The following MYO1E variants were observed in gnomAD, a reference collection of about 807,000 sequenced individuals.
The protein encoded by MYO1E is myosin IE, also known as unconventional myosin-Ie.
A neutral mutation model predicts 151.1 loss-of-function variants in MYO1E; 68 were observed. The observed-to-expected ratio is 0.45, with a 90% CI of 0.37 to 0.55. MYO1E has a LOEUF of 0.55. MYO1E is among the 20% of genes least tolerant of loss of function. The pLI, the probability that MYO1E is intolerant of heterozygous loss-of-function variation, is 0.00. For missense variants in MYO1E, 1,363 were observed against 1,389.3 expected (o/e 0.98, Z 0.30); for synonymous variants, 601 against 501.7 (o/e 1.20, Z -2.64).
intron 4 of MYO1E, among the ~76,000 whole-genome samples, chr15:59,238,424 A>G (rs190184320): frequency 1.7e-3 from 260 of 152,374 alleles, no homozygotes; most frequent in Non-Finnish European, 2.7e-3. Context: ...AGTATGTAGC[A>G]ACATAAAGAT....
intron 24 of MYO1E, 122 bp from the exon 25 acceptor site, chr15:59,158,501 G>T (rs2079520777): frequency 2.6e-6 from 2 of 761,374 alleles, no homozygotes; most frequent in Non-Finnish European, 4.6e-6. Context: ...GGATCTGCAG[G>T]AGAACAGTTG....
In MYO1E at chr15:59,292,896, C is replaced by A. The variant is rs771204675; in HGVS notation, c.4-20447G>T. Among the ~76,000 whole-genome samples the A allele has an allele frequency of 8.3e-4, 126 of 152,262 alleles. 1 individual carries two copies. The highest frequency in any genetic ancestry group is 1.5e-3 in the Non-Finnish European group (104 of 68,028). On this transcript the variant is annotated intron_variant, in intron 1 of 27. Coordinates refer to ENST00000288235, the MANE Select transcript of MYO1E (RefSeq NM_004998.4). Reference sequence around the variant, plus strand: ...GAGAGGTGACCTTGTTGTATAAAGTCTCAGGGGGATCTATCCCATAGGATT... The same window carrying A: ...GAGAGGTGACCTTGTTGTATAAAGTATCAGGGGGATCTATCCCATAGGATT...
chr15:59,148,699 T>C (rs1202181295), intron 26 of MYO1E, among the ~76,000 whole-genome samples: 2 of 152,146 alleles, frequency 1.3e-5, no homozygotes, highest in African/African-American at 4.8e-5. Flanking sequence ...TATGACTCCA[T>C]TGGGAGGATC....
At chr15:59,276,478 T>A (rs573082645) in intron 1 of MYO1E, among the ~76,000 whole-genome samples, 19 of 152,250 alleles carry the variant, frequency 1.2e-4, no homozygotes, top group African/African-American at 4.6e-4. Flanking sequence ...TAATGAAAAG[T>A]TACTCTTATC....
At chr15:59,216,160 C>T (rs2079912980) in intron 10 of MYO1E, among the ~76,000 whole-genome samples, 2 of 152,088 alleles carry the variant, frequency 1.3e-5, no homozygotes, top group Admixed American at 1.3e-4. Flanking sequence ...TGAATGGCCC[C>T]CACTGTTGTC....
At chr15:59,214,531 T>G in intron 11 of MYO1E, 109 bp downstream of exon 11, 1 of 1,143,326 alleles carries the variant, frequency 8.7e-7, no homozygotes. Flanking sequence ...TTTTTGTTGT[T>G]GTGGTTTGTT....
chr15:59,167,010 C>T (rs1271204722), intron 22 of MYO1E, among the ~76,000 whole-genome samples: 1 of 152,178 alleles, frequency 6.6e-6, no homozygotes, highest in African/African-American at 2.4e-5. Flanking sequence ...GGGCTCAGCA[C>T]CAGGTAGGTG....
chr15:59,353,654 G>A (rs2080837480), intron 1 of MYO1E, among the ~76,000 whole-genome samples: 1 of 151,646 alleles, frequency 6.6e-6, no homozygotes, highest in Non-Finnish European at 1.5e-5. Flanking sequence ...CTACTCGGAA[G>A]GCTGAGGCAG....
At chr15:59,329,193 G>A (rs1376890835) in intron 1 of MYO1E, among the ~76,000 whole-genome samples, 1 of 152,194 alleles carries the variant, frequency 6.6e-6, no homozygotes, top group Admixed American at 6.5e-5. Flanking sequence ...GAGGCACTGG[G>A]AAGACAGCTC....
In MYO1E at chr15:59,272,712, G is replaced by C. The variant is rs112238173; in HGVS notation, c.4-263C>G. Among the ~76,000 whole-genome samples the C allele has an allele frequency of 3.2e-3, 486 of 152,196 alleles. 2 individuals carry two copies. The highest frequency in any genetic ancestry group is 0.011 in the African/African-American group (461 of 41,510). On this transcript the variant is annotated intron_variant, in intron 1 of 27. Coordinates refer to ENST00000288235, the MANE Select transcript of MYO1E (RefSeq NM_004998.4). The stretch of plus-strand genomic sequence containing the variant: ...CTTCTCTTTTCTCATTTGTAAAATG[G>C]GAGACAGACCCATTTCACAACGCTG...
chr15:59,237,528 T>G (rs1278061686), intron 4 of MYO1E, among the ~76,000 whole-genome samples: 1 of 152,250 alleles, frequency 6.6e-6, no homozygotes, highest in East Asian at 1.9e-4. Context: ...ATCTTTCTAT[T>G]GGTACCCTTT....
chr15:59,346,836 G>C (rs1353794454), intron 1 of MYO1E, among the ~76,000 whole-genome samples: 1 of 151,906 alleles, frequency 6.6e-6, no homozygotes, highest in East Asian at 1.9e-4. Flanking sequence ...AGGATTGATT[G>C]ATCCCAGGAG....
chr15:59,298,341 C>G (rs1397907540), intron 1 of MYO1E, among the ~76,000 whole-genome samples: 7 of 152,202 alleles, frequency 4.6e-5, no homozygotes, highest in Admixed American at 1.3e-4. Flanking sequence ...TTCCTCACAG[C>G]CCGCTGAGTT....
rs1360262205 is a variant in MYO1E at position 59,136,302 on chromosome 15, C to G, written c.*1078G>C. ...TATTGTGAGGTACTGGTGGCTGGGA[C>G]TCCAACATCTTCTTTGGAGGCACAC... is the stretch of plus-strand genomic sequence containing the variant. On this transcript the variant is annotated 3_prime_UTR_variant, in exon 28 of 28. Transcript: ENST00000288235. The G allele has an allele frequency of 6.2e-6, 1 of 160,646 alleles. No individual in the cohort carries two copies. The highest frequency in any genetic ancestry group is 5.9e-5 in the Admixed American group (1 of 16,842). 10.0% of individuals were successfully genotyped at this position (160,646 alleles called of 1,614,324 possible).
At position 59,312,986 on chromosome 15, in the gene MYO1E, T is replaced by C. The variant is rs541200567; in HGVS notation, c.4-40537A>G. On this transcript the variant is annotated intron_variant, in intron 1 of 27. Transcript: ENST00000288235. ...AACCCGGGAGGCGGAGATCACGCCA[T>C]TGCACTGCAACATCTTGGGCCCCAC... Among the ~76,000 whole-genome samples, 12 of 151,486 alleles carry C rather than the reference T, an allele frequency of 7.9e-5. No homozygotes were observed. The East Asian group carries it at 1.4e-3, about 18-fold the overall frequency.
chr15:59,147,539 G>A (rs574324472), intron 26 of MYO1E, among the ~76,000 whole-genome samples: 103 of 132,312 alleles, frequency 7.8e-4, no homozygotes, highest in Middle Eastern at 5.0e-3. Context: ...TTGAGCTGCA[G>A]TGAGCCAGGA....
chr15:59,260,378 T>A (rs1376010815), intron 3 of MYO1E, among the ~76,000 whole-genome samples: 2 of 152,240 alleles, frequency 1.3e-5, no homozygotes, highest in Non-Finnish European at 2.9e-5. Context: ...ACCAGCACCA[T>A]TCATCTGGCA....
chr15:59,197,746 T>C (rs1284354792), intron 16 of MYO1E, among the ~76,000 whole-genome samples: 2 of 152,220 alleles, frequency 1.3e-5, no homozygotes, highest in African/African-American at 4.8e-5. Flanking sequence ...AATTAACTGG[T>C]TGAGGTAGGA....
chr15:59,361,929 T>C (rs2140441216), intron 1 of MYO1E, among the ~76,000 whole-genome samples: 1 of 152,198 alleles, frequency 6.6e-6, no homozygotes, highest in East Asian at 1.9e-4. Flanking sequence ...CTCCTCCTCC[T>C]GGGTTCAAAC....
Sources: allele counts gnomAD v4.1 joint callset (sites outside exome capture counted in the v4.1 genomes callset), GRCh38; gene constraint gnomAD v4.1.1; transcripts MANE v1.5; gene names NCBI Gene and HGNC (gene_info 2026-07-23, HGNC 2026-07-21).